The following DLGAP1 variants were observed in gnomAD, a reference collection of about 807,000 sequenced individuals.
The protein encoded by DLGAP1 is disks large-associated protein 1.
In DLGAP1, 11 loss-of-function variants were observed where a neutral mutation model predicts 90.8. The ratio of observed to expected loss-of-function variants is 0.12; its 90% confidence interval spans 0.08 to 0.20. The LOEUF is 0.20. Ranked by LOEUF, DLGAP1 falls within the 10% of genes least tolerant of loss-of-function variation. DLGAP1 has a pLI of 1.00. For synonymous variants in DLGAP1, 558 were observed against 540.7 expected (o/e 1.03, Z -0.44); for missense variants, 1,050 against 1,333.8 (o/e 0.79, Z 3.31).
At chr18:3,643,662 CAAAAAAA>C (rs538678987) in intron 7 of DLGAP1, among the ~76,000 whole-genome samples, 36 of 65,028 alleles carry the variant, frequency 5.5e-4, no homozygotes, top group African/African-American at 2.0e-3. Flanking sequence ...GACTCCATCT[CAAAAAAA>C]AAAAAAAAAA....
At chr18:4,199,704 C>CT (rs1460451860) in intron 1 of DLGAP1, among the ~76,000 whole-genome samples, 1 of 152,118 alleles carries the variant, frequency 6.6e-6, no homozygotes, top group Admixed American at 6.5e-5. Flanking sequence ...AATGGGTTAG[C>CT]TTTAGGACCA....
At chr18:3,952,488 G>A (rs1568316643) in intron 3 of DLGAP1, among the ~76,000 whole-genome samples, 1 of 152,182 alleles carries the variant, frequency 6.6e-6, no homozygotes, top group Non-Finnish European at 1.5e-5. Flanking sequence ...ATCGGACCAC[G>A]GCAAAGGGTT....
intron 1 of DLGAP1, among the ~76,000 whole-genome samples, chr18:4,355,342 G>C (rs2081485953): frequency 6.6e-6 from 1 of 152,216 alleles, no homozygotes; most frequent in Non-Finnish European, 1.5e-5. Context: ...TGTGTTAAAA[G>C]TCAGCCCTTC....
intron 8 of DLGAP1, among the ~76,000 whole-genome samples, chr18:3,568,559 T>C (rs2054567132): frequency 6.6e-6 from 1 of 152,070 alleles, no homozygotes; most frequent in Non-Finnish European, 1.5e-5. Flanking sequence ...TCAATGTAAG[T>C]TATATAAAAT....
intron 2 of DLGAP1, among the ~76,000 whole-genome samples, chr18:4,082,921 G>A (rs1244089451): frequency 6.6e-6 from 1 of 152,100 alleles, no homozygotes; most frequent in Non-Finnish European, 1.5e-5. Context: ...ATGCTCTGCT[G>A]TAGCTACCCT....
chr18:4,314,305 A>T (rs943222686), intron 1 of DLGAP1, among the ~76,000 whole-genome samples: 1 of 152,228 alleles, frequency 6.6e-6, no homozygotes, highest in African/African-American at 2.4e-5. Context: ...TGAGAAAGGA[A>T]GTCTGTAAGT....
intron 2 of DLGAP1, among the ~76,000 whole-genome samples, chr18:4,137,949 T>TG (rs2076433712): frequency 6.6e-6 from 1 of 152,162 alleles, no homozygotes; most frequent in Non-Finnish European, 1.5e-5. Flanking sequence ...TACGGATTTT[T>TG]TATGTTGATT....
intron 1 of DLGAP1, among the ~76,000 whole-genome samples, chr18:4,363,002 GCAAACAAAC>G (rs969469635): frequency 6.6e-6 from 1 of 151,960 alleles, no homozygotes; most frequent in African/African-American, 2.4e-5. Context: ...AATGTCGATG[GCAAACAAAC>G]CAGAAAAGCC....
chr18:4,146,572 T>C (rs563979785), intron 2 of DLGAP1, among the ~76,000 whole-genome samples: 2 of 152,152 alleles, frequency 1.3e-5, no homozygotes, highest in East Asian at 3.9e-4. Flanking sequence ...AACTGAAGCC[T>C]AGGGACTAGC....
Position 3,879,475 on chromosome 18 carries a change from G to C in DLGAP1, c.594C>G (p.Ser198=). 6.2e-7 allele frequency: 1 copy of C among 1,605,462 alleles called. No individual in the cohort carries two copies. Among genetic ancestry groups the C allele is most frequent in the South Asian group, 1.1e-5 (1 of 91,070 alleles). ...TGTCGTCCGAGCTCCACCAGCCCGG[G>C]GAGGTGCTGGGCCGGGCCTTGGGCT... ...RAEPKARPST[S]PGWWSSDDNL... is the part of the protein sequence containing the mutation. Residue 198 remains serine, a synonymous_variant, in exon 4 of 13, where the codon TCC becomes TCG. Coordinates refer to ENST00000315677, the MANE Select transcript of DLGAP1 (RefSeq NM_004746.4). This position sits in a 1 kb window ranked among gnomAD's most constrained non-coding sequence, Gnocchi z 6.6.
chr18:3,988,191 G>A (rs532866668), intron 3 of DLGAP1, among the ~76,000 whole-genome samples: 14 of 152,012 alleles, frequency 9.2e-5, no homozygotes, highest in Non-Finnish European at 1.6e-4. Flanking sequence ...TGCTGTCACT[G>A]CAATCTCAGG....
At chr18:3,795,516 A>G (rs899686302) in intron 5 of DLGAP1, among the ~76,000 whole-genome samples, 6 of 152,162 alleles carry the variant, frequency 3.9e-5, no homozygotes, top group Admixed American at 1.3e-4. Flanking sequence ...GGGTTTCACC[A>G]TGTTGGCCAG....
intron 6 of DLGAP1, among the ~76,000 whole-genome samples, chr18:3,739,647 G>A: frequency 1.6e-5 from 2 of 122,874 alleles, no homozygotes; most frequent in Admixed American, 1.9e-4. Flanking sequence ...GAGGGGGGAG[G>A]GATACCATTG....
chr18:4,233,194 G>C (rs533450337), intron 1 of DLGAP1, among the ~76,000 whole-genome samples: 4 of 152,142 alleles, frequency 2.6e-5, no homozygotes, highest in South Asian at 4.2e-4. Context: ...CTAAACTATA[G>C]ATTTTACTTA....
At chr18:3,514,687 A>G (rs114291057) in intron 10 of DLGAP1, among the ~76,000 whole-genome samples, 5,343 of 152,302 alleles carry the variant, frequency 0.035, 330 homozygotes, top group African/African-American at 0.12. Flanking sequence ...TGTTTACACT[A>G]TACTGTAGTC....
intron 1 of DLGAP1, among the ~76,000 whole-genome samples, chr18:4,276,972 T>C (rs2079430536): frequency 1.3e-5 from 2 of 152,240 alleles, no homozygotes; most frequent in Admixed American, 1.3e-4. Context: ...ACACATTTCA[T>C]TTGCTTGCTA....
At chr18:4,333,236 C>A (rs1160011842) in intron 1 of DLGAP1, among the ~76,000 whole-genome samples, 2 of 151,746 alleles carry the variant, frequency 1.3e-5, no homozygotes, top group Non-Finnish European at 2.9e-5. Context: ...CAGCCAGGGG[C>A]TGCTCATCCC....
At chr18:3,723,152 A>G (rs2062037168) in intron 7 of DLGAP1, among the ~76,000 whole-genome samples, 1 of 152,174 alleles carries the variant, frequency 6.6e-6, no homozygotes, top group South Asian at 2.1e-4. Context: ...ACTCTGCAGG[A>G]ACTATTCAAC....
chr18:4,153,498 CAA>C (rs2076707268), intron 1 of DLGAP1, among the ~76,000 whole-genome samples: 2 of 152,182 alleles, frequency 1.3e-5, no homozygotes, highest in Non-Finnish European at 2.9e-5. Flanking sequence ...TTCCTTACCC[CAA>C]GTGTCCCTCT....
Sources: allele counts gnomAD v4.1 joint callset (sites outside exome capture counted in the v4.1 genomes callset), GRCh38; gene constraint gnomAD v4.1.1; non-coding constraint Gnocchi (gnomAD v3.1); transcripts MANE v1.5; gene names NCBI Gene and HGNC (gene_info 2026-07-23, HGNC 2026-07-21).